FNBP1L: variants seen among roughly 807,000 people sequenced by gnomAD.
FNBP1L encodes the protein formin binding protein 1 like, also known as formin-binding protein 1-like.
Under a neutral mutation model 91.2 loss-of-function variants are expected in FNBP1L, and 36 were observed. That is an observed-to-expected ratio of 0.39 (90% CI 0.30 to 0.52). The LOEUF is 0.52. Among genes scored for constraint, FNBP1L ranks in the 20% least tolerant of loss-of-function variants. FNBP1L has a pLI of 0.66. For missense variants in FNBP1L, 571 were observed against 732.1 expected, an observed-to-expected ratio of 0.78 and a Z score of 2.54; for synonymous variants, 242 against 237.0, an observed-to-expected ratio of 1.02 and a Z score of -0.19.
At chr1:93,449,601 TAGCC>T (rs1394267718) in intron 1 of FNBP1L, among the ~76,000 whole-genome samples, 2 of 152,172 alleles carry the variant, frequency 1.3e-5, no homozygotes, top group African/African-American at 2.4e-5. Context: ...ATGCTTTACT[TAGCC>T]AGCCAGGAAT....
At chr1:93,534,555 C>G (rs985830652) in intron 8 of FNBP1L, 150 bp from the exon 9 acceptor site, 7 of 511,180 alleles carry the variant, frequency 1.4e-5, no homozygotes, top group Non-Finnish European at 2.4e-5. Context: ...GTTACACATT[C>G]ATGGGAATAA....
chr1:93,483,027 A>AAC (rs1406721387), intron 1 of FNBP1L, among the ~76,000 whole-genome samples: 1 of 150,522 alleles, frequency 6.6e-6, no homozygotes, highest in African/African-American at 2.4e-5. Context: ...AAAAAAAACA[A>AAC]AAAAAACAAA....
chr1:93,465,832 T>A lies in FNBP1L; in HGVS notation c.24+17527T>A, dbSNP rs545254975. The stretch of plus-strand genomic sequence containing the variant: ...TACAGTCCCACCAACAGTGTAAAAG[T>A]GTTCCTATTTCTCCACATCCTCTCC... On this transcript the variant is annotated intron_variant, in intron 1 of 16. Transcript: ENST00000271234. Among the ~76,000 whole-genome samples the A allele has an allele frequency of 1.0e-3, 154 of 152,302 alleles. 1 individual carries two copies. The highest frequency in any genetic ancestry group is 2.9e-3 in the Admixed American group (44 of 15,308).
At chr1:93,489,191 G>A (rs963961851) in intron 1 of FNBP1L, among the ~76,000 whole-genome samples, 1 of 152,180 alleles carries the variant, frequency 6.6e-6, no homozygotes, top group Non-Finnish European at 1.5e-5. Context: ...GGCAAAGCTA[G>A]AGAGGGGCAA....
intron 2 of FNBP1L, among the ~76,000 whole-genome samples, chr1:93,520,520 C>A (rs1222301497): frequency 2.0e-5 from 3 of 152,034 alleles, no homozygotes; most frequent in Non-Finnish European, 4.4e-5. Context: ...TTATTAGATT[C>A]AAAAGAAATA....
At chr1:93,524,166 G>T in intron 4 of FNBP1L, 95 bp from the exon 5 acceptor site, 3 of 954,536 alleles carry the variant, frequency 3.1e-6, no homozygotes, top group South Asian at 5.7e-5. Flanking sequence ...AGCCTTTTGG[G>T]GACTTTAGAC....
chr1:93,448,511 C>T (rs1668350368), intron 1 of FNBP1L, among the ~76,000 whole-genome samples: 2 of 152,200 alleles, frequency 1.3e-5, no homozygotes, highest in African/African-American at 4.8e-5. Flanking sequence ...TCCGTGCTCC[C>T]GCCTTTGCCG....
intron 1 of FNBP1L, among the ~76,000 whole-genome samples, chr1:93,476,833 G>T (rs1286232843): frequency 6.6e-6 from 1 of 152,124 alleles, no homozygotes; most frequent in Admixed American, 6.5e-5. Flanking sequence ...CACAGAGAAA[G>T]ATGTGTTACT....
chr1:93,451,252 T>G (rs1668483004), intron 1 of FNBP1L, among the ~76,000 whole-genome samples: 1 of 152,160 alleles, frequency 6.6e-6, no homozygotes, highest in Non-Finnish European at 1.5e-5. Flanking sequence ...AAGCACAGAT[T>G]TTGAAATTAC....
intron 1 of FNBP1L, among the ~76,000 whole-genome samples, chr1:93,491,779 C>G (rs1264799221): frequency 6.6e-6 from 1 of 152,128 alleles, no homozygotes; most frequent in Non-Finnish European, 1.5e-5. Flanking sequence ...CTTAAATATA[C>G]TTAACACAAT....
At chr1:93,550,830 G>A (rs1672387079) in intron 15 of FNBP1L, 117 bp from the exon 16 acceptor site, 3 of 974,344 alleles carry the variant, frequency 3.1e-6, no homozygotes, top group African/African-American at 1.6e-5. Flanking sequence ...GTGAGAGTCA[G>A]TAGTTCCAGG....
intron 1 of FNBP1L, among the ~76,000 whole-genome samples, chr1:93,484,805 A>T (rs1669841411): frequency 6.6e-6 from 1 of 152,222 alleles, no homozygotes; most frequent in African/African-American, 2.4e-5. Flanking sequence ...CTCAAGTTTG[A>T]GATGTTGGGA....
intron 14 of FNBP1L, 110 bp from the exon 15 acceptor site, chr1:93,549,168 G>T: frequency 1.3e-6 from 1 of 773,192 alleles, no homozygotes; most frequent in Non-Finnish European, 1.9e-6. Flanking sequence ...TGGAAACTGT[G>T]TCATTAATAT....
At chr1:93,534,529 A>G (rs1276803285) in intron 8 of FNBP1L, among the ~76,000 whole-genome samples, 176 bp from the exon 9 acceptor site, 1 of 152,196 alleles carries the variant, frequency 6.6e-6, no homozygotes, top group African/African-American at 2.4e-5. Flanking sequence ...TTTTGGGATT[A>G]AAATACTTTG....
chr1:93,497,390 G>T (rs1040601950), intron 1 of FNBP1L, among the ~76,000 whole-genome samples: 2 of 152,070 alleles, frequency 1.3e-5, no homozygotes, highest in Non-Finnish European at 2.9e-5. Flanking sequence ...ATTGGCAGGT[G>T]GGTTGAAAAA....
chr1:93,515,843 A>G (rs955126829), intron 2 of FNBP1L, among the ~76,000 whole-genome samples: 16 of 152,104 alleles, frequency 1.1e-4, no homozygotes, highest in African/African-American at 3.9e-4. Flanking sequence ...GCAGCCCACC[A>G]GCATGGCACA....
intron 6 of FNBP1L, among the ~76,000 whole-genome samples, chr1:93,530,250 T>C (rs1671629550): frequency 6.6e-6 from 1 of 152,154 alleles, no homozygotes; most frequent in Non-Finnish European, 1.5e-5. Context: ...TGTTGAATGT[T>C]GCATTATTCA....
At chr1:93,473,920 T>C (rs1451863203) in intron 1 of FNBP1L, among the ~76,000 whole-genome samples, 2 of 152,106 alleles carry the variant, frequency 1.3e-5, no homozygotes, top group African/African-American at 4.8e-5. Flanking sequence ...TGACGGGATC[T>C]ATGGCCTTTA....
chr1:93,543,979 AGGGG>A, intron 11 of FNBP1L, 124 bp from the exon 12 acceptor site: 2 of 487,260 alleles, frequency 4.1e-6, no homozygotes, highest in South Asian at 8.9e-5. Context: ...TTTTTTTTTA[AGGGG>A]TTGCTTGAGG....
Sources: allele counts gnomAD v4.1 joint callset (sites outside exome capture counted in the v4.1 genomes callset), GRCh38; gene constraint gnomAD v4.1.1; transcripts MANE v1.5; gene names NCBI Gene and HGNC (gene_info 2026-07-23, HGNC 2026-07-21).